PTGER1: variants seen among roughly 807,000 people sequenced by gnomAD.
PTGER1 encodes prostaglandin E2 receptor EP1 subtype.
PTGER1 carries 15 observed loss-of-function variants against 18.5 expected under a neutral mutation model. The observed-to-expected ratio is 0.81, with a 90% confidence interval of 0.54 to 1.25. The LOEUF (loss-of-function observed/expected upper bound fraction) is 1.25, where lower values mean the gene tolerates loss of function less well. PTGER1 is among the 50% of genes most tolerant of loss of function. PTGER1 has a pLI of 0.00. For missense variants in PTGER1, 567 were observed against 603.4 expected, an observed-to-expected ratio of 0.94 and a Z score of 0.63; for synonymous variants, 339 against 308.4, an observed-to-expected ratio of 1.10 and a Z score of -1.04.
In PTGER1 at chr19:14,474,171, G is replaced by T; in HGVS notation, c.150C>A (p.Asn50Lys). Residue 50 changes from asparagine to lysine, a missense_variant, in exon 2 of 3, where the codon AAC (asparagine) becomes AAA (lysine). Coordinates refer to ENST00000292513, the MANE Select transcript of PTGER1 (RefSeq NM_000955.3). This position sits in a 1 kb window ranked among gnomAD's most constrained non-coding sequence, Gnocchi z 5.4. The stretch of plus-strand genomic sequence containing the variant: ...GCGCCAGCAGCGCCAGCGCCAGCAG[G>T]TTGGACACGGCGCCCAGCGTCATGG... ...IFSMTLGAVS[N>K]LLALALLAQA... 6.7e-7 allele frequency: 1 copy of T among 1,497,964 alleles called. No homozygotes were observed. Among genetic ancestry groups the T allele is most frequent in the Non-Finnish European group, 8.8e-7 (1 of 1,130,978 alleles). The allele number at this position is 1,497,964 out of a possible 1,614,324, so 92.8% of individuals were successfully genotyped here. A position where few individuals can be genotyped will look rare whatever the true frequency, so the allele number is the denominator to read the frequency against.
intron 2 of PTGER1, 73 bp from the exon 3 acceptor site, chr19:14,472,899 C>T (rs1432926526): frequency 2.1e-6 from 3 of 1,434,012 alleles, no homozygotes; most frequent in Non-Finnish European, 2.8e-6. Context: ...GGGGGCGTGG[C>T]TGGAAGGTAA....
chr19:14,472,822 A>G lies in PTGER1; in HGVS notation c.947T>C (p.Leu316Ser). The G allele has an allele frequency of 6.4e-7, 1 of 1,551,066 alleles. No individual in the cohort carries two copies. Among genetic ancestry groups the G allele is most frequent in the Non-Finnish European group, 8.7e-7 (1 of 1,150,248 alleles). The change falls in exon 3 of 3, where the codon TTG becomes TCG. Residue 316 changes from leucine (L) to serine (S), a missense_variant. Leu to Ser is a moderately radical substitution (Grantham distance 145). Coordinates refer to ENST00000292513, the MANE Select transcript of PTGER1 (RefSeq NM_000955.3). ...CCAGCCGCCGACGGCCAGCGCCACC[A>G]ACACCTGCGGGGGAAGCCGGTGTGA... ...SCICWSPMLV[L>S]VALAVGGWSS... is the part of the protein sequence containing the mutation.
rs567385882 is a variant in PTGER1 at position 14,473,612 on chromosome 19, G to A, written c.709C>T (p.Arg237Cys). Reference protein sequence around the residue: ...LALLRARWRRRSRRPPPASGP... With the variant: ...LALLRARWRRCSRRPPPASGP... ...GAGGCCGGGGGAGGCCGTCGGGAGCGGCGTCGCCAGCGGGCGCGTAGCAGG... is the reference window on the plus strand; with the variant it reads ...GAGGCCGGGGGAGGCCGTCGGGAGCAGCGTCGCCAGCGGGCGCGTAGCAGG... Residue 237 changes from arginine (R) to cysteine (C), a missense_variant, in exon 2 of 3, where the codon CGC (arginine) becomes TGC (cysteine). Arg to Cys is a radical substitution (Grantham distance 180). Transcript: ENST00000292513. This position sits in a 1 kb window ranked among gnomAD's most constrained non-coding sequence, Gnocchi z 7.1. The A allele has an allele frequency of 1.4e-6, 2 of 1,462,494 alleles. No individual in the cohort carries two copies. Among genetic ancestry groups the A allele is most frequent in the African/African-American group, 3.0e-5 (2 of 67,340 alleles). 90.6% of individuals were successfully genotyped at this position (1,462,494 alleles called of 1,614,324 possible). A position where few individuals can be genotyped will look rare whatever the true frequency, so the allele number is the denominator to read the frequency against.
In PTGER1 at chr19:14,473,526, G is replaced by A; in HGVS notation, c.795C>T (p.Ser265=). ...AHGPRSASAS[S]ASSIASASTF... The stretch of plus-strand genomic sequence containing the variant: ...TGGAGGCCGAAGCGATGGACGAGGC[G>A]GACGAGGCGGAGGCCGAGCGGGGTC... The change falls in exon 2 of 3, where the codon TCC becomes TCT. Residue 265 remains serine (S), a synonymous_variant. Transcript: ENST00000292513. The surrounding 1 kb of genome is among the most constrained non-coding windows in gnomAD (Gnocchi z 7.1). The A allele has an allele frequency of 6.4e-7, 1 of 1,561,214 alleles. No individual in the cohort carries two copies. The highest frequency in any genetic ancestry group is 8.6e-7 in the Non-Finnish European group (1 of 1,158,550).
In PTGER1 at chr19:14,473,756, A is replaced by G. The variant is rs779293785; in HGVS notation, c.565T>C (p.Phe189Leu). The change falls in exon 2 of 3, where the codon TTC becomes CTC. Residue 189 changes from phenylalanine (F) to leucine (L), a missense_variant. Transcript: ENST00000292513. The surrounding 1 kb of genome is among the most constrained non-coding windows in gnomAD (Gnocchi z 7.1). ...CCGCCCGGGGGACCCAGGCCGATGA[A>G]GCACCACGTGCCCGGGTACTGCAGC... ...YELQYPGTWC[F>L]IGLGPPGGWR... The G allele has an allele frequency of 2.1e-6, 3 of 1,457,802 alleles. No individual in the cohort carries two copies. In the South Asian group the frequency reaches 3.9e-5, roughly 19 times the overall value. 90.3% of individuals were successfully genotyped at this position (1,457,802 alleles called of 1,614,324 possible).
At position 14,472,753 on chromosome 19, in the gene PTGER1, A is replaced by G. The variant is rs2071577392; in HGVS notation, c.1016T>C (p.Leu339Pro). Residue 339 changes from leucine (L) to proline (P), a missense_variant, in exon 3 of 3, where the codon CTT becomes CCT. Transcript: ENST00000292513. ...GTCCAGGATCTGGTTCCAGGAGGCAAGGCGCACGGCCAGGAACAGTGGCCG... is the reference window on the plus strand; with the variant it reads ...GTCCAGGATCTGGTTCCAGGAGGCAGGGCGCACGGCCAGGAACAGTGGCCG... ...LQRPLFLAVR[L>P]ASWNQILDPW... 2 of 1,599,734 alleles carry G rather than the reference A, an allele frequency of 1.3e-6. No individual in the cohort carries two copies. Among genetic ancestry groups the G allele is most frequent in the Non-Finnish European group, 1.7e-6 (2 of 1,173,576 alleles).
rs1459290031 is a variant in PTGER1, at chr19:14,473,699, C to T, written c.622G>A (p.Ala208Thr). The part of the protein sequence containing the change: ...WRQALLAGLF[A>T]SLGLVALLAA... ...AGGAGCGCGACCAGGCCGAGGCTGG[C>T]GAAGAGGCCAGCAAGCAGTGCCTGG... The change falls in exon 2 of 3, where the codon GCC becomes ACC. Residue 208 changes from alanine to threonine, a missense_variant. Coordinates refer to ENST00000292513, the MANE Select transcript of PTGER1 (RefSeq NM_000955.3). The surrounding 1 kb of genome is among the most constrained non-coding windows in gnomAD (Gnocchi z 7.1). The T allele has an allele frequency of 5.4e-6, 8 of 1,474,940 alleles. No homozygotes were observed. Among genetic ancestry groups the T allele is most frequent in the Admixed American group, 2.3e-5 (1 of 43,112 alleles). The allele number at this position is 1,474,940 out of a possible 1,614,324, so 91.4% of individuals were successfully genotyped here.
Position 14,472,647 on chromosome 19 carries a change from G to T in PTGER1, c.1122C>A (p.Gly374=), listed in dbSNP as rs200174423. 3 of 1,607,814 alleles carry T rather than the reference G, an allele frequency of 1.9e-6. No homozygotes were observed. Among genetic ancestry groups the T allele is most frequent in the Non-Finnish European group, 2.5e-6 (3 of 1,178,020 alleles). Residue 374 remains glycine, a synonymous_variant, in exon 3 of 3, where the codon GGC becomes GGA. Transcript: ENST00000292513. ...RLLPPRAGAK[G]GPAGLGLTPS... ...GTGTTAGGCCCAGCCCCGCGGGGCC[G>T]CCCTTGGCTCCGGCCCTCGGGGGCA...
rs1345012283 is a variant in PTGER1, at chr19:14,472,914, C to G, written c.943-88G>C. 2.2e-6 allele frequency: 3 copies of G among 1,355,344 alleles called. No individual in the cohort carries two copies. In the African/African-American group the frequency reaches 4.3e-5, roughly 20 times the overall value. 84.0% of individuals were successfully genotyped at this position (1,355,344 alleles called of 1,614,324 possible). ...GGGGGCGTGGCTGGAAGGTAAAAGCCTGGGAGGAGGGGCGAGCCGTCGCAG... is the reference window on the plus strand; with the variant it reads ...GGGGGCGTGGCTGGAAGGTAAAAGCGTGGGAGGAGGGGCGAGCCGTCGCAG... On this transcript the variant is annotated intron_variant, in intron 2 of 2. Coordinates refer to ENST00000292513, the MANE Select transcript of PTGER1 (RefSeq NM_000955.3).
Position 14,474,194 on chromosome 19 carries a change from T to C in PTGER1, c.127A>G (p.Met43Val), listed in dbSNP as rs2071594323. 8 of 1,521,202 alleles carry C rather than the reference T, an allele frequency of 5.3e-6. No homozygotes were observed. Among genetic ancestry groups the C allele is most frequent in the Non-Finnish European group, 6.1e-6 (7 of 1,140,376 alleles). 94.2% of individuals were successfully genotyped at this position (1,521,202 alleles called of 1,614,324 possible). A position where few individuals can be genotyped will look rare whatever the true frequency, so the allele number is the denominator to read the frequency against. The change falls in exon 2 of 3, where the codon ATG becomes GTG. Residue 43 changes from methionine to valine, a missense_variant. Transcript: ENST00000292513. The surrounding 1 kb of genome is among the most constrained non-coding windows in gnomAD (Gnocchi z 5.4). ...AGGTTGGACACGGCGCCCAGCGTCATGGAGAAGATGGGCAGCGCGGGCGAA... is the reference window on the plus strand; with the variant it reads ...AGGTTGGACACGGCGCCCAGCGTCACGGAGAAGATGGGCAGCGCGGGCGAA... Reference protein sequence around the residue: ...GASPALPIFSMTLGAVSNLLA... With the variant: ...GASPALPIFSVTLGAVSNLLA...
In PTGER1 at chr19:14,473,605, C is replaced by T. The variant is rs1372689755; in HGVS notation, c.716G>A (p.Arg239Gln). ...GGGGCCTGAGGCCGGGGGAGGCCGTCGGGAGCGGCGTCGCCAGCGGGCGCG... is the reference window on the plus strand; with the variant it reads ...GGGGCCTGAGGCCGGGGGAGGCCGTTGGGAGCGGCGTCGCCAGCGGGCGCG... Reference protein sequence around the residue: ...LLRARWRRRSRRPPPASGPDS... With the variant: ...LLRARWRRRSQRPPPASGPDS... Residue 239 changes from arginine (R) to glutamine (Q), a missense_variant, in exon 2 of 3, where the codon CGA (arginine) becomes CAA (glutamine). Transcript: ENST00000292513. The surrounding 1 kb of genome is among the most constrained non-coding windows in gnomAD (Gnocchi z 7.1). 69 of 1,462,614 alleles carry T rather than the reference C, an allele frequency of 4.7e-5. No individual in the cohort carries two copies. Among genetic ancestry groups the T allele is most frequent in the Non-Finnish European group, 5.8e-5 (65 of 1,118,066 alleles). 90.6% of individuals were successfully genotyped at this position (1,462,614 alleles called of 1,614,324 possible). A position where few individuals can be genotyped will look rare whatever the true frequency, so the allele number is the denominator to read the frequency against.
At position 14,473,069 on chromosome 19, in the gene PTGER1, G is replaced by A. The variant is rs928756958; in HGVS notation, c.943-243C>T. Among the ~76,000 whole-genome samples, 2 of 152,166 alleles carry A rather than the reference G, an allele frequency of 1.3e-5. No homozygotes were observed. The highest frequency in any genetic ancestry group is 4.8e-5 in the African/African-American group (2 of 41,436). On this transcript the variant is annotated intron_variant, in intron 2 of 2. Coordinates refer to ENST00000292513, the MANE Select transcript of PTGER1 (RefSeq NM_000955.3). The surrounding 1 kb of genome is among the most constrained non-coding windows in gnomAD (Gnocchi z 7.1). ...GGTGTCCCGGAAAGAGGAAAAGCAA[G>A]GGGGTTGGGTGAAAGGACTAGGGAA...
At position 14,473,783 on chromosome 19, in the gene PTGER1, C is replaced by T. The variant is rs1599339687; in HGVS notation, c.538G>A (p.Glu180Lys). Residue 180 changes from glutamate to lysine, a missense_variant, in exon 2 of 3, where the codon GAG (glutamate) becomes AAG (lysine). Coordinates refer to ENST00000292513, the MANE Select transcript of PTGER1 (RefSeq NM_000955.3). This position sits in a 1 kb window ranked among gnomAD's most constrained non-coding sequence, Gnocchi z 7.1. The stretch of plus-strand genomic sequence containing the variant: ...CACCACGTGCCCGGGTACTGCAGCT[C>T]ATAGCGGCCCACGCGCGCCAGCGGC... ...LLPLARVGRY[E>K]LQYPGTWCFI... 1 of 1,433,326 alleles carries T rather than the reference C, an allele frequency of 7.0e-7. No homozygotes were observed. Among genetic ancestry groups the T allele is most frequent in the Non-Finnish European group, 9.1e-7 (1 of 1,095,500 alleles). The allele number at this position is 1,433,326 out of a possible 1,614,324, so 88.8% of individuals were successfully genotyped here.
chr19:14,473,233 C>T lies in PTGER1; in HGVS notation c.942+146G>A. On this transcript the variant is annotated intron_variant, in intron 2 of 2. Coordinates refer to ENST00000292513, the MANE Select transcript of PTGER1 (RefSeq NM_000955.3). This position sits in a 1 kb window ranked among gnomAD's most constrained non-coding sequence, Gnocchi z 7.1. Reference sequence around the variant, plus strand: ...GGTCAGATGGAGAAGGCGATGCTGGCTTTCGGGGCAGGTGGGGCCTCTAGG... The same window carrying T: ...GGTCAGATGGAGAAGGCGATGCTGGTTTTCGGGGCAGGTGGGGCCTCTAGG... 1 of 1,404,256 alleles carries T rather than the reference C, an allele frequency of 7.1e-7. No individual in the cohort carries two copies. 87.0% of individuals were successfully genotyped at this position (1,404,256 alleles called of 1,614,324 possible).
chr19:14,472,524 G>A lies in PTGER1; in HGVS notation c.*36C>T, dbSNP rs770405767. ...CGCCGCGCACCTGGGCCCAGCCCAGGGTGGGCTGGCTTAGTCGTTGGGCCT... is the reference window on the plus strand; with the variant it reads ...CGCCGCGCACCTGGGCCCAGCCCAGAGTGGGCTGGCTTAGTCGTTGGGCCT... On this transcript the variant is annotated 3_prime_UTR_variant, in exon 3 of 3. Coordinates refer to ENST00000292513, the MANE Select transcript of PTGER1 (RefSeq NM_000955.3). The A allele has an allele frequency of 2.0e-5, 30 of 1,511,738 alleles. No homozygotes were observed. The Middle Eastern group carries it at 7.8e-4, about 39-fold the overall frequency. The allele number at this position is 1,511,738 out of a possible 1,614,324, so 93.6% of individuals were successfully genotyped here.
At position 14,473,623 on chromosome 19, in the gene PTGER1, C is replaced by T; in HGVS notation, c.698G>A (p.Arg233His). 1.4e-6 allele frequency: 2 copies of T among 1,466,092 alleles called. No homozygotes were observed. Among genetic ancestry groups the T allele is most frequent in the South Asian group, 1.3e-5 (1 of 75,504 alleles). 90.8% of individuals were successfully genotyped at this position (1,466,092 alleles called of 1,614,324 possible). The change falls in exon 2 of 3, where the codon CGC becomes CAC. Residue 233 changes from arginine to histidine, a missense_variant. Coordinates refer to ENST00000292513, the MANE Select transcript of PTGER1 (RefSeq NM_000955.3). This position sits in a 1 kb window ranked among gnomAD's most constrained non-coding sequence, Gnocchi z 7.1. ...TLSGLALLRARWRRRSRRPPP... is the reference protein window; with the variant it reads ...TLSGLALLRAHWRRRSRRPPP... ...AGGCCGTCGGGAGCGGCGTCGCCAG[C>T]GGGCGCGTAGCAGGGCCAGGCCGCT...
At position 14,473,659 on chromosome 19, in the gene PTGER1, C is replaced by G. The variant is rs1226244007; in HGVS notation, c.662G>C (p.Cys221Ser). 1 of 1,477,048 alleles carries G rather than the reference C, an allele frequency of 6.8e-7. No homozygotes were observed. The highest frequency in any genetic ancestry group is 8.9e-7 in the Non-Finnish European group (1 of 1,121,076). 91.5% of individuals were successfully genotyped at this position (1,477,048 alleles called of 1,614,324 possible). Reference protein sequence around the residue: ...GLVALLAALVCNTLSGLALLR... With the variant: ...GLVALLAALVSNTLSGLALLR... ...CAGGGCCAGGCCGCTGAGCGTGTTG[C>G]ACACCAGCGCGGCGAGGAGCGCGAC... is the stretch of plus-strand genomic sequence containing the variant. The change falls in exon 2 of 3, where the codon TGC (cysteine) becomes TCC (serine). Residue 221 changes from cysteine (C) to serine (S), a missense_variant. Coordinates refer to ENST00000292513, the MANE Select transcript of PTGER1 (RefSeq NM_000955.3). The surrounding 1 kb of genome is among the most constrained non-coding windows in gnomAD (Gnocchi z 7.1).
In PTGER1 at chr19:14,474,110, C is replaced by A. The variant is rs1057362; in HGVS notation, c.211G>T (p.Ala71Ser). ...CTGGCCACGAACAGCAGGAAGGTGG[C>A]GGCCGAGCGGCGGCGTCGCAGGCGG... ...AGRLRRRRSA[A>S]TFLLFVASLL... is the part of the protein sequence containing the mutation. Residue 71 changes from alanine (A) to serine (S), a missense_variant, in exon 2 of 3, where the codon GCC becomes TCC. Physicochemically the swap from Ala to Ser is moderately conservative, Grantham distance 99. Transcript: ENST00000292513. The surrounding 1 kb of genome is among the most constrained non-coding windows in gnomAD (Gnocchi z 5.4). The A allele has an allele frequency of 1.4e-6, 2 of 1,445,438 alleles. No homozygotes were observed. The highest frequency in any genetic ancestry group is 1.3e-5 in the South Asian group (1 of 74,794). 89.5% of individuals were successfully genotyped at this position (1,445,438 alleles called of 1,614,324 possible). A position where few individuals can be genotyped will look rare whatever the true frequency, so the allele number is the denominator to read the frequency against.
rs1450964245 is a variant in PTGER1, at chr19:14,472,845, T to A, written c.943-19A>T. The A allele has an allele frequency of 4.5e-6, 7 of 1,541,098 alleles. No individual in the cohort carries two copies. The highest frequency in any genetic ancestry group is 6.1e-6 in the Non-Finnish European group (7 of 1,146,342). On this transcript the variant is annotated intron_variant, in intron 2 of 2. Coordinates refer to ENST00000292513, the MANE Select transcript of PTGER1 (RefSeq NM_000955.3). Reference sequence around the variant, plus strand: ...CCAACACCTGCGGGGGAAGCCGGTGTGAGCTATAGAGCAGGCGCGGGCGCA... The same window carrying A: ...CCAACACCTGCGGGGGAAGCCGGTGAGAGCTATAGAGCAGGCGCGGGCGCA...
Sources: gnomAD v4.1 joint callset for allele counts (sites outside exome capture counted in the v4.1 genomes callset) on GRCh38, gnomAD v4.1.1 for gene constraint, Gnocchi (gnomAD v3.1) non-coding constraint, MANE v1.5 for transcripts, NCBI Gene and HGNC (gene_info 2026-07-23, HGNC 2026-07-21) for gene names.